Variants in C6orf52 observed in about 807,000 individuals in gnomAD.
The protein encoded by C6orf52 is chromosome 6 open reading frame 52, also known as putative uncharacterized protein C6orf52.
Under a neutral mutation model 16.6 loss-of-function variants are expected in C6orf52, and 16 were observed. That is an observed-to-expected ratio of 0.96 (90% CI 0.65 to 1.46). The LOEUF (loss-of-function observed/expected upper bound fraction) is 1.46, where lower values mean the gene tolerates loss of function less well. Among genes scored for constraint, C6orf52 ranks in the 40% most tolerant of loss-of-function variants. The pLI is 0.00. For synonymous variants in C6orf52, 53 were observed against 61.4 expected (o/e 0.86, Z 0.64); for missense variants, 166 against 182.3 (o/e 0.91, Z 0.52).
chr6:10,685,206 A>C (rs1255434790), intron 3 of C6orf52, among the ~76,000 whole-genome samples: 1 of 151,552 alleles, frequency 6.6e-6, no homozygotes, highest in East Asian at 1.9e-4. Flanking sequence ...ACCAAAAGAC[A>C]GACCGTCTCC....
chr6:10,689,326 C>T (rs187523480), intron 1 of C6orf52, among the ~76,000 whole-genome samples: 14 of 152,182 alleles, frequency 9.2e-5, no homozygotes, highest in Admixed American at 4.6e-4. Flanking sequence ...AACCCACAGA[C>T]GCTGAGGGCC....
chr6:10,672,190 C>T (rs1265414423), intron 4 of C6orf52, among the ~76,000 whole-genome samples: 3 of 152,152 alleles, frequency 2.0e-5, no homozygotes, highest in Admixed American at 2.0e-4. Context: ...CCAGAGCTTT[C>T]CAAGGCTTAC....
In C6orf52 at chr6:10,686,956, C is replaced by A; in HGVS notation, c.270+10G>T. On this transcript the variant is annotated intron_variant, in intron 3 of 4. Coordinates refer to ENST00000259983, the MANE Select transcript of C6orf52 (RefSeq NM_001145020.3). ...ACGAATGACACAAGATTCATTCTAG[C>A]AAGGGATACCTTAGGCATAACCAGA... 6.6e-7 allele frequency: 1 copy of A among 1,525,178 alleles called. No homozygotes were observed. The allele number at this position is 1,525,178 out of a possible 1,614,324, so 94.5% of individuals were successfully genotyped here.
At chr6:10,691,809 G>C (rs1769333714) in intron 1 of C6orf52, among the ~76,000 whole-genome samples, 1 of 152,028 alleles carries the variant, frequency 6.6e-6, no homozygotes, top group Non-Finnish European at 1.5e-5. Context: ...TCTGTAATTG[G>C]TTCCACTGAT....
upstream of C6orf52, chr6:10,694,654 T>C: frequency 4.1e-6 from 1 of 245,554 alleles, no homozygotes; most frequent in South Asian, 5.4e-5. Context: ...AATGAAGGGC[T>C]TCGCAGAGGA....
At chr6:10,687,863 G>C (rs1027062522) in intron 1 of C6orf52, among the ~76,000 whole-genome samples, 13 of 152,072 alleles carry the variant, frequency 8.5e-5, no homozygotes, top group African/African-American at 1.4e-4. Flanking sequence ...CCCCAGGGAG[G>C]GACAGAAGGG....
intron 4 of C6orf52, among the ~76,000 whole-genome samples, chr6:10,675,104 C>T (rs1474187278): frequency 1.3e-5 from 2 of 152,142 alleles, no homozygotes; most frequent in Admixed American, 6.5e-5. Context: ...CCACCGTGCC[C>T]AGCCTACAAT....
At chr6:10,672,730 A>C (rs946362305) in intron 4 of C6orf52, 2 of 511,774 alleles carry the variant, frequency 3.9e-6, no homozygotes, top group Non-Finnish European at 6.9e-6. Context: ...TCAAGTGTGG[A>C]AACAGCAAGA....
intron 4 of C6orf52, among the ~76,000 whole-genome samples, chr6:10,677,769 C>T (rs59076742): frequency 2.0e-5 from 3 of 151,604 alleles, no homozygotes; most frequent in East Asian, 2.0e-4. Context: ...CCTGACCTCA[C>T]GTGATCCTCC....
intron 3 of C6orf52, among the ~76,000 whole-genome samples, chr6:10,685,670 A>C (rs774464919): frequency 3.3e-5 from 5 of 152,234 alleles, no homozygotes; most frequent in Admixed American, 6.5e-5. Context: ...CAAGAGGGAC[A>C]CAACTCAACA....
chr6:10,674,491 CTG>C (rs1477164245), intron 4 of C6orf52, among the ~76,000 whole-genome samples: 5 of 152,128 alleles, frequency 3.3e-5, no homozygotes, highest in Non-Finnish European at 7.3e-5. Context: ...ACAGAGAAAA[CTG>C]TATGTATTTA....
intron 1 of C6orf52, among the ~76,000 whole-genome samples, chr6:10,689,888 G>A (rs541023187): frequency 2.5e-4 from 38 of 152,284 alleles, no homozygotes; most frequent in African/African-American, 8.4e-4. Context: ...CTATTGTTAT[G>A]TCAGGTAAAA....
intron 4 of C6orf52, among the ~76,000 whole-genome samples, chr6:10,672,949 C>A (rs1340390257): frequency 6.6e-6 from 1 of 152,196 alleles, no homozygotes; most frequent in African/African-American, 2.4e-5. Flanking sequence ...GTCAAATAGG[C>A]TTTAGTCATC....
At chr6:10,694,468 C>G in intron 1 of C6orf52, 26 bp downstream of exon 1, 1 of 154,542 alleles carries the variant, frequency 6.5e-6, no homozygotes, top group Non-Finnish European at 1.5e-5. Context: ...CAAGTCACCG[C>G]GAACCCTAAT....
chr6:10,692,414 C>T (rs778723294), intron 1 of C6orf52, among the ~76,000 whole-genome samples: 1 of 152,128 alleles, frequency 6.6e-6, no homozygotes, highest in Non-Finnish European at 1.5e-5. Flanking sequence ...TTTTTTGTAA[C>T]ACAATGAAGA....
At position 10,694,612 on chromosome 6, in the gene C6orf52, AAG is replaced by A; in HGVS notation, c.-132_-131del. 5.5e-6 allele frequency: 1 copy of A among 183,294 alleles called. No homozygotes were observed. Among genetic ancestry groups the A allele is most frequent in the Non-Finnish European group, 1.2e-5 (1 of 85,466 alleles). 11.4% of individuals were successfully genotyped at this position (183,294 alleles called of 1,614,324 possible). A position where few individuals can be genotyped will look rare whatever the true frequency, so the allele number is the denominator to read the frequency against. On this transcript the variant is annotated 5_prime_UTR_variant, in exon 1 of 5. Transcript: ENST00000259983. ...CTACAGCCCCTAAGCAACCGGCCGG[AAG>A]TCGGCCCCACCTCCTCCTGATGTCA...
chr6:10,694,819 A>C, upstream of C6orf52: 2 of 571,866 alleles, frequency 3.5e-6, no homozygotes, highest in South Asian at 2.1e-5. Flanking sequence ...CCCGCGCTTA[A>C]AGTGTTTCCA....
intron 4 of C6orf52, among the ~76,000 whole-genome samples, chr6:10,678,271 A>G (rs1298490128): frequency 6.6e-6 from 1 of 151,188 alleles, no homozygotes; most frequent in Non-Finnish European, 1.5e-5. Context: ...AATAATATTC[A>G]TTGTTTTAAT....
chr6:10,687,380 C>CT, intron 2 of C6orf52, 100 bp downstream of exon 2: 1 of 981,544 alleles, frequency 1.0e-6, no homozygotes, highest in Non-Finnish European at 1.5e-6. Context: ...TACCCCAGAA[C>CT]TTTAAAAAAA....
Sources: gnomAD v4.1 joint callset for allele counts (sites outside exome capture counted in the v4.1 genomes callset) on GRCh38, gnomAD v4.1.1 for gene constraint, MANE v1.5 for transcripts, NCBI Gene and HGNC (gene_info 2026-07-23, HGNC 2026-07-21) for gene names.